Variants in CFAP210 observed in about 807,000 individuals in gnomAD.
CFAP210 encodes the protein cilia- and flagella- associated protein 210.
chr2:169,647,801 A>G, the CFAP210 span, among the ~76,000 whole-genome samples: 1 of 152,192 alleles, frequency 6.6e-6, no homozygotes, highest in Non-Finnish European at 1.5e-5. Context: ...CATGTATCTG[A>G]TAAGAGATTT....
the CFAP210 span, chr2:169,645,822 T>C: frequency 6.6e-7 from 1 of 1,512,322 alleles, no homozygotes; most frequent in Non-Finnish European, 9.1e-7. Flanking sequence ...GTCTTCTCAA[T>C]GTTAAAAATA....
the CFAP210 span, among the ~76,000 whole-genome samples, chr2:169,663,239 C>G: frequency 1.5e-4 from 22 of 151,706 alleles, no homozygotes; most frequent in African/African-American, 5.1e-4. Flanking sequence ...CAACAATATA[C>G]AGGCTTTCTC....
At chr2:169,656,334 AAGG>A in the CFAP210 span, among the ~76,000 whole-genome samples, 2 of 149,774 alleles carry the variant, frequency 1.3e-5, no homozygotes, top group African/African-American at 4.9e-5. Flanking sequence ...GAAGGAGGAG[AAGG>A]AGAAGAGAGG....
At chr2:169,669,175 A>G in the CFAP210 span, among the ~76,000 whole-genome samples, 1 of 152,174 alleles carries the variant, frequency 6.6e-6, no homozygotes, top group East Asian at 1.9e-4. Flanking sequence ...CCACAGATGA[A>G]GAATGGAAGG....
At chr2:169,671,737 T>C in the CFAP210 span, among the ~76,000 whole-genome samples, 3 of 152,342 alleles carry the variant, frequency 2.0e-5, no homozygotes, top group African/African-American at 7.2e-5. Context: ...ACCAAAATGC[T>C]GGGATTGGGA....
the CFAP210 span, among the ~76,000 whole-genome samples, chr2:169,656,410 GAGA>G: frequency 6.6e-6 from 1 of 151,314 alleles, no homozygotes; most frequent in Non-Finnish European, 1.5e-5. Flanking sequence ...GGATGAAGTA[GAGA>G]AGGAGGAGGA....
At chr2:169,692,444 G>GCGCACACGCGCACA in the CFAP210 span, among the ~76,000 whole-genome samples, 1 of 143,788 alleles carries the variant, frequency 7.0e-6, no homozygotes, top group South Asian at 2.2e-4. Flanking sequence ...ACAGGCGCAC[G>GCGCACACGCGCACA]CACACACACA....
At chr2:169,679,680 C>CAA in the CFAP210 span, among the ~76,000 whole-genome samples, 14,684 of 56,800 alleles carry the variant, frequency 0.26, 2,252 homozygotes, top group East Asian at 0.32. Context: ...GACTCCATCT[C>CAA]AAAAAAAAAA....
At chr2:169,682,438 C>T in the CFAP210 span, among the ~76,000 whole-genome samples, 1 of 152,134 alleles carries the variant, frequency 6.6e-6, no homozygotes, top group African/African-American at 2.4e-5. Context: ...CTTGAATCTT[C>T]GCCACTGTTG....
At chr2:169,652,340 T>C in the CFAP210 span, among the ~76,000 whole-genome samples, 1 of 152,216 alleles carries the variant, frequency 6.6e-6, no homozygotes, top group Non-Finnish European at 1.5e-5. Context: ...AAAGGTGACA[T>C]TTCTGGTAGA....
chr2:169,659,580 C>T, the CFAP210 span, among the ~76,000 whole-genome samples: 1 of 152,162 alleles, frequency 6.6e-6, no homozygotes, highest in African/African-American at 2.4e-5. Flanking sequence ...AAACCACCCC[C>T]GATGATCTAA....
At chr2:169,678,063 G>A in the CFAP210 span, among the ~76,000 whole-genome samples, 1 of 152,172 alleles carries the variant, frequency 6.6e-6, no homozygotes, top group Non-Finnish European at 1.5e-5. Flanking sequence ...GACTTAGGCT[G>A]GGCGCGGTGG....
the CFAP210 span, among the ~76,000 whole-genome samples, chr2:169,672,953 C>T: frequency 6.6e-6 from 1 of 152,134 alleles, no homozygotes; most frequent in African/African-American, 2.4e-5. Flanking sequence ...AATTCTATAC[C>T]ACTGGTCTTA....
At chr2:169,671,591 C>T in the CFAP210 span, among the ~76,000 whole-genome samples, 3 of 152,180 alleles carry the variant, frequency 2.0e-5, no homozygotes, top group Non-Finnish European at 2.9e-5. Flanking sequence ...GCCTCAGCCT[C>T]CTGAGTAGCT....
the CFAP210 span, among the ~76,000 whole-genome samples, chr2:169,653,328 G>A: frequency 6.6e-6 from 1 of 151,468 alleles, no homozygotes; most frequent in Non-Finnish European, 1.5e-5. Flanking sequence ...GGGAGAGGAG[G>A]GAATAGTAAG....
At chr2:169,652,412 C>G in the CFAP210 span, among the ~76,000 whole-genome samples, 5 of 152,116 alleles carry the variant, frequency 3.3e-5, no homozygotes, top group Non-Finnish European at 7.4e-5. Flanking sequence ...TGACACTATT[C>G]CCGGTGCTGG....
the CFAP210 span, among the ~76,000 whole-genome samples, chr2:169,689,676 T>C: frequency 6.6e-6 from 1 of 152,236 alleles, no homozygotes; most frequent in Admixed American, 6.5e-5. Context: ...GCAGGCATAC[T>C]TTTCTTTTCC....
chr2:169,656,150 T>C, the CFAP210 span, among the ~76,000 whole-genome samples: 1 of 151,820 alleles, frequency 6.6e-6, no homozygotes, highest in African/African-American at 2.4e-5. Flanking sequence ...ATTAGACAGG[T>C]ATGGCAGCAC....
At chr2:169,690,723 C>T in the CFAP210 span, among the ~76,000 whole-genome samples, 1 of 150,876 alleles carries the variant, frequency 6.6e-6, no homozygotes, top group Non-Finnish European at 1.5e-5. Context: ...AATATATTAG[C>T]CTGCTGCCCC....
Sources: allele counts gnomAD v4.1 joint callset (sites outside exome capture counted in the v4.1 genomes callset), GRCh38; gene constraint gnomAD v4.1.1; transcripts MANE v1.5; gene names NCBI Gene and HGNC (gene_info 2026-07-23, HGNC 2026-07-21).